The following LRRN1 variants were observed in gnomAD, a reference collection of about 807,000 sequenced individuals.
The protein encoded by LRRN1 is leucine-rich repeat neuronal protein 1.
In LRRN1, 14 loss-of-function variants were observed where a neutral mutation model predicts 45.8. The observed-to-expected ratio is 0.31, with a 90% CI of 0.20 to 0.48. The LOEUF is 0.48. Ranked by LOEUF, LRRN1 falls within the 20% of genes least tolerant of loss-of-function variation. The pLI, the probability that LRRN1 is intolerant of heterozygous loss-of-function variation, is 0.99. For synonymous variants in LRRN1, 359 were observed against 330.1 expected (o/e 1.09, Z -0.95); for missense variants, 789 against 874.2 (o/e 0.90, Z 1.23).
At chr3:3,806,146 A>G (rs561395172) in intron 1 of LRRN1, among the ~76,000 whole-genome samples, 2 of 152,290 alleles carry the variant, frequency 1.3e-5, no homozygotes, top group South Asian at 2.1e-4. Flanking sequence ...TCAACATCCT[A>G]AAATGCATAG....
chr3:3,804,795 G>GCTACA (rs1553560970), intron 1 of LRRN1, among the ~76,000 whole-genome samples: 6 of 151,932 alleles, frequency 3.9e-5, no homozygotes, highest in Non-Finnish European at 8.8e-5. Context: ...CAATGTACAT[G>GCTACA]TGACATCCTT....
At position 3,846,954 on chromosome 3, in the gene LRRN1, C is replaced by T. The variant is rs758496456; in HGVS notation, c.*162C>T. 31 of 580,254 alleles carry T rather than the reference C, an allele frequency of 5.3e-5. No individual in the cohort carries two copies. The highest frequency in any genetic ancestry group is 7.8e-5 in the Non-Finnish European group (26 of 332,694). The allele number at this position is 580,254 out of a possible 1,614,324, so 35.9% of individuals were successfully genotyped here. On this transcript the variant is annotated 3_prime_UTR_variant, in exon 2 of 2. Coordinates refer to ENST00000319331, the MANE Select transcript of LRRN1 (RefSeq NM_020873.7). The surrounding 1 kb of genome is among the most constrained non-coding windows in gnomAD (Gnocchi z 5.7). ...TTCAAATTTTTTTAGTATAGCGTATCGCAAGGGTTTGACACGGCTGCCAGC... is the reference window on the plus strand; with the variant it reads ...TTCAAATTTTTTTAGTATAGCGTATTGCAAGGGTTTGACACGGCTGCCAGC...
chr3:3,808,449 C>T (rs1445464153), intron 1 of LRRN1, among the ~76,000 whole-genome samples: 2 of 152,160 alleles, frequency 1.3e-5, no homozygotes, highest in Admixed American at 1.3e-4. Flanking sequence ...AAATATTTGT[C>T]AAGTGAATGA....
At chr3:3,810,935 T>A (rs61326163) in intron 1 of LRRN1, among the ~76,000 whole-genome samples, 18,663 of 152,132 alleles carry the variant, frequency 0.12, 1,504 homozygotes, top group East Asian at 0.4. Flanking sequence ...TAGTAATTAT[T>A]TGTGGAGAAC....
intron 1 of LRRN1, among the ~76,000 whole-genome samples, chr3:3,801,957 C>G (rs1460384392): frequency 6.6e-6 from 1 of 152,194 alleles, no homozygotes; most frequent in Non-Finnish European, 1.5e-5. Flanking sequence ...TCCTCATCTT[C>G]AGAGCTATTC....
intron 1 of LRRN1, among the ~76,000 whole-genome samples, chr3:3,818,833 C>T (rs1219737574): frequency 6.6e-6 from 1 of 152,064 alleles, no homozygotes. Context: ...GATATACAGG[C>T]AACAGTAGAA....
chr3:3,799,799 C>G lies in LRRN1; in HGVS notation c.-399C>G, dbSNP rs567775151. The G allele has an allele frequency of 6.3e-6, 1 of 158,272 alleles. No individual in the cohort carries two copies. The highest frequency in any genetic ancestry group is 2.4e-5 in the African/African-American group (1 of 41,492). The allele number at this position is 158,272 out of a possible 1,614,324, so 9.8% of individuals were successfully genotyped here. A position where few individuals can be genotyped will look rare whatever the true frequency, so the allele number is the denominator to read the frequency against. ...GCGCTGCGGGCTGGGAAGGAGGCGC[C>G]GCTCAGCTAGTCCTCCTCCTCCTCC... On this transcript the variant is annotated 5_prime_UTR_variant, in exon 1 of 2. Transcript: ENST00000319331.
At chr3:3,815,588 T>C (rs898382886) in intron 1 of LRRN1, among the ~76,000 whole-genome samples, 1 of 152,168 alleles carries the variant, frequency 6.6e-6, no homozygotes, top group African/African-American at 2.4e-5. Context: ...AACTAACTAC[T>C]TGCTCACATT....
intron 1 of LRRN1, among the ~76,000 whole-genome samples, chr3:3,834,103 T>C (rs140439030): frequency 0.014 from 2,178 of 152,254 alleles, 53 homozygotes; most frequent in African/African-American, 0.05. Context: ...GCTCGGTATC[T>C]GCTTCTGAAG....
At chr3:3,813,595 A>G (rs1009969309) in intron 1 of LRRN1, among the ~76,000 whole-genome samples, 1 of 152,108 alleles carries the variant, frequency 6.6e-6, no homozygotes, top group East Asian at 1.9e-4. Context: ...TCTTCTACTT[A>G]CTAGATTATG....
At chr3:3,825,876 G>C (rs928980011) in intron 1 of LRRN1, among the ~76,000 whole-genome samples, 3 of 152,136 alleles carry the variant, frequency 2.0e-5, no homozygotes, top group Admixed American at 6.5e-5. Flanking sequence ...AATAATATTT[G>C]AAAATTTATA....
In LRRN1 at chr3:3,845,004, C is replaced by T. The variant is rs1246510118; in HGVS notation, c.363C>T (p.Leu121=). 1.2e-6 allele frequency: 2 copies of T among 1,614,136 alleles called. No individual in the cohort carries two copies. Among genetic ancestry groups the T allele is most frequent in the South Asian group, 2.2e-5 (2 of 91,082 alleles). ...KEVGLANLTQ[L]TTLHLEENQI... ...TCGGGCTGGCAAACCTAACCCAGCTCACAACGCTGCATTTGGAGGAAAATC... is the reference window on the plus strand; with the variant it reads ...TCGGGCTGGCAAACCTAACCCAGCTTACAACGCTGCATTTGGAGGAAAATC... The change falls in exon 2 of 2, where the codon CTC becomes CTT. Residue 121 remains leucine, a synonymous_variant. Transcript: ENST00000319331. The surrounding 1 kb of genome is among the most constrained non-coding windows in gnomAD (Gnocchi z 6.5).
chr3:3,809,740 T>C (rs151290212), intron 1 of LRRN1, among the ~76,000 whole-genome samples: 2 of 152,294 alleles, frequency 1.3e-5, no homozygotes, highest in African/African-American at 4.8e-5. Flanking sequence ...ATCTGCAAAA[T>C]GGGGATGATA....
intron 1 of LRRN1, among the ~76,000 whole-genome samples, chr3:3,834,525 G>GATATATATATATATATATGAT (rs1553563062): frequency 3.7e-5 from 1 of 27,310 alleles, no homozygotes; most frequent in East Asian, 6.5e-4. Flanking sequence ...GACAGAACAG[G>GATATATATATATATATATGAT]ATATATATAT....
At chr3:3,834,525 G>GACATATATATATATGATATAT (rs750534210) in intron 1 of LRRN1, among the ~76,000 whole-genome samples, 1 of 27,310 alleles carries the variant, frequency 3.7e-5, no homozygotes, top group Non-Finnish European at 9.9e-5. Context: ...GACAGAACAG[G>GACATATATATATATGATATAT]ATATATATAT....
At position 3,831,490 on chromosome 3, in the gene LRRN1, G is replaced by A. The variant is rs569821583; in HGVS notation, c.-278-12874G>A. Among the ~76,000 whole-genome samples the A allele has an allele frequency of 9.2e-5, 14 of 152,140 alleles. No homozygotes were observed. In the East Asian group the frequency reaches 1.7e-3, roughly 19 times the overall value. ...GTAATGGACCATTGTGATATTTTGC[G>A]GAAGCAAAAATGATTAAGGTCTCTC... On this transcript the variant is annotated intron_variant, in intron 1 of 1. Transcript: ENST00000319331.
At chr3:3,808,416 C>T (rs528050813) in intron 1 of LRRN1, among the ~76,000 whole-genome samples, 72 of 152,298 alleles carry the variant, frequency 4.7e-4, no homozygotes, top group Non-Finnish European at 8.5e-4. Context: ...TGCCCAAGGT[C>T]AAACAACTAG....
chr3:3,814,729 A>T (rs564427458), intron 1 of LRRN1, among the ~76,000 whole-genome samples: 1 of 152,252 alleles, frequency 6.6e-6, no homozygotes, highest in Admixed American at 6.5e-5. Flanking sequence ...ATGTGAGGAC[A>T]CAGCCTCAGT....
At chr3:3,827,888 A>G (rs928672471) in intron 1 of LRRN1, among the ~76,000 whole-genome samples, 2 of 152,166 alleles carry the variant, frequency 1.3e-5, no homozygotes, top group Non-Finnish European at 2.9e-5. Context: ...GGATTTTATT[A>G]ATTTCAATGA....
Sources: gnomAD v4.1 joint callset for allele counts (sites outside exome capture counted in the v4.1 genomes callset) on GRCh38, gnomAD v4.1.1 for gene constraint, Gnocchi (gnomAD v3.1) non-coding constraint, MANE v1.5 for transcripts, NCBI Gene and HGNC (gene_info 2026-07-23, HGNC 2026-07-21) for gene names.